EPHA5: variants seen among roughly 807,000 people sequenced by gnomAD.
EPHA5 encodes EPH receptor A5.
EPHA5 carries 60 observed loss-of-function variants against 105.0 expected under a neutral mutation model. That is an observed-to-expected ratio of 0.57 (90% CI 0.46 to 0.71). The LOEUF (loss-of-function observed/expected upper bound fraction) is 0.71, where lower values mean the gene tolerates loss of function less well. Ranked by LOEUF, EPHA5 falls within the 30% of genes least tolerant of loss-of-function variation. The probability of loss-of-function intolerance (pLI) is 0.00; values close to 1 mark genes in which losing one functional copy is unlikely to be tolerated. For missense variants in EPHA5, 1,218 were observed against 1,274.7 expected, an observed-to-expected ratio of 0.96 and a Z score of 0.68; for synonymous variants, 513 against 449.1, an observed-to-expected ratio of 1.14 and a Z score of -1.80.
chr4:65,341,961 A>G (rs1446163085), intron 14 of EPHA5, among the ~76,000 whole-genome samples: 1 of 152,148 alleles, frequency 6.6e-6, no homozygotes, highest in Admixed American at 6.5e-5. Context: ...TAAGATTCTA[A>G]GATATATCCG....
intron 14 of EPHA5, among the ~76,000 whole-genome samples, chr4:65,342,560 A>G (rs1721831901): frequency 6.6e-6 from 1 of 151,852 alleles, no homozygotes; most frequent in Non-Finnish European, 1.5e-5. Context: ...ATGTATATGT[A>G]TGTATATCTG....
chr4:65,455,854 A>G (rs1361471650), intron 5 of EPHA5, among the ~76,000 whole-genome samples: 3 of 152,216 alleles, frequency 2.0e-5, no homozygotes, highest in African/African-American at 7.2e-5. Context: ...CGGTTTTCTT[A>G]AATTCTGAAG....
At chr4:65,596,171 C>A (rs1360459256) in intron 3 of EPHA5, among the ~76,000 whole-genome samples, 1 of 152,110 alleles carries the variant, frequency 6.6e-6, no homozygotes, top group East Asian at 1.9e-4. Flanking sequence ...ATAAACATAT[C>A]TATAAACATA....
chr4:65,576,196 T>G (rs1741035309), intron 3 of EPHA5, among the ~76,000 whole-genome samples: 1 of 148,818 alleles, frequency 6.7e-6, no homozygotes, highest in Non-Finnish European at 1.5e-5. Context: ...GGAAGGAAAA[T>G]AAATGCAGAA....
chr4:65,465,712 T>A (rs1728654662), intron 5 of EPHA5, among the ~76,000 whole-genome samples: 1 of 152,190 alleles, frequency 6.6e-6, no homozygotes, highest in African/African-American at 2.4e-5. Flanking sequence ...GTAGTAGTAG[T>A]ATCTTTCAAT....
intron 7 of EPHA5, among the ~76,000 whole-genome samples, chr4:65,411,727 A>C (rs1722928069): frequency 6.6e-6 from 1 of 152,216 alleles, no homozygotes; most frequent in South Asian, 2.1e-4. Flanking sequence ...TGTGGATTTC[A>C]GAAAATACTA....
intron 8 of EPHA5, among the ~76,000 whole-genome samples, chr4:65,384,970 G>C (rs75100463): frequency 6.6e-6 from 1 of 151,418 alleles, no homozygotes; most frequent in Non-Finnish European, 1.5e-5. Context: ...GCTGAAACAC[G>C]TCTGTCTCGG....
chr4:65,585,018 T>A (rs1741978882), intron 3 of EPHA5, among the ~76,000 whole-genome samples: 1 of 151,786 alleles, frequency 6.6e-6, no homozygotes, highest in Non-Finnish European at 1.5e-5. Context: ...AGATATGACC[T>A]AAGTTTCCCT....
At chr4:65,496,729 C>A (rs1443054967) in intron 3 of EPHA5, among the ~76,000 whole-genome samples, 1 of 152,098 alleles carries the variant, frequency 6.6e-6, no homozygotes, top group East Asian at 1.9e-4. Flanking sequence ...ATTTACAGTC[C>A]TTTGGGTACA....
At chr4:65,666,526 T>C (rs1749978812) in intron 1 of EPHA5, among the ~76,000 whole-genome samples, 1 of 152,210 alleles carries the variant, frequency 6.6e-6, no homozygotes, top group South Asian at 2.1e-4. Flanking sequence ...ACTAAATTTA[T>C]TTAAATTTTC....
intron 5 of EPHA5, among the ~76,000 whole-genome samples, chr4:65,470,207 T>C (rs76327713): frequency 6.7e-6 from 1 of 148,378 alleles, no homozygotes; most frequent in Non-Finnish European, 1.5e-5. Flanking sequence ...TTTTTTTTTT[T>C]CTTGAGACAG....
chr4:65,515,718 C>T (rs1734044643), intron 3 of EPHA5, among the ~76,000 whole-genome samples: 1 of 152,008 alleles, frequency 6.6e-6, no homozygotes, highest in Admixed American at 6.6e-5. Context: ...GTCAATTTAA[C>T]TGGGCTAAGG....
chr4:65,522,437 A>G (rs1421552944), intron 3 of EPHA5, among the ~76,000 whole-genome samples: 1 of 151,944 alleles, frequency 6.6e-6, no homozygotes, highest in Admixed American at 6.6e-5. Flanking sequence ...GTGCACTCAC[A>G]TATAATTAAA....
intron 3 of EPHA5, among the ~76,000 whole-genome samples, chr4:65,512,584 C>T (rs542170614): frequency 1.2e-4 from 18 of 152,196 alleles, no homozygotes; most frequent in African/African-American, 4.3e-4. Flanking sequence ...CTATGGCCAT[C>T]TGAAGTGCCG....
At chr4:65,528,167 C>T (rs1735419700) in intron 3 of EPHA5, among the ~76,000 whole-genome samples, 1 of 149,454 alleles carries the variant, frequency 6.7e-6, no homozygotes, top group Admixed American at 6.7e-5. Context: ...AAAAAGCTTG[C>T]TGTAGATGTT....
At chr4:65,436,294 G>A (rs1446750045) in intron 5 of EPHA5, among the ~76,000 whole-genome samples, 1 of 151,828 alleles carries the variant, frequency 6.6e-6, no homozygotes, top group Non-Finnish European at 1.5e-5. Context: ...TTGGAGAAAT[G>A]TTTCTATGTT....
chr4:65,550,666 C>G (rs1404018813), intron 3 of EPHA5, among the ~76,000 whole-genome samples: 1 of 152,042 alleles, frequency 6.6e-6, no homozygotes, highest in Non-Finnish European at 1.5e-5. Context: ...GAAACCCCGT[C>G]TCTACTAAAA....
chr4:65,328,711 A>T (rs1720316116), intron 16 of EPHA5, among the ~76,000 whole-genome samples: 1 of 151,114 alleles, frequency 6.6e-6, no homozygotes, highest in Non-Finnish European at 1.5e-5. Flanking sequence ...GTACAGGATA[A>T]ATGTATTACT....
At chr4:65,342,681 C>T (rs1721845325) in intron 14 of EPHA5, among the ~76,000 whole-genome samples, 3 of 149,836 alleles carry the variant, frequency 2.0e-5, no homozygotes, top group Admixed American at 1.3e-4. Flanking sequence ...TCAACATATA[C>T]AATATACATA....
Sources: gnomAD v4.1 joint callset for allele counts (sites outside exome capture counted in the v4.1 genomes callset) on GRCh38, gnomAD v4.1.1 for gene constraint, MANE v1.5 for transcripts, NCBI Gene and HGNC (gene_info 2026-07-23, HGNC 2026-07-21) for gene names.